Variants in PDE10A observed in about 807,000 individuals in gnomAD.
PDE10A encodes phosphodiesterase 10A, also known as cAMP and cAMP-inhibited cGMP 3',5'-cyclic phosphodiesterase 10A.
PDE10A carries 39 observed loss-of-function variants against 97.7 expected under a neutral mutation model. The ratio of observed to expected loss-of-function variants is 0.40; its 90% CI spans 0.31 to 0.52. The LOEUF (loss-of-function observed/expected upper bound fraction) is 0.52, where lower values mean the gene tolerates loss of function less well. Among genes scored for constraint, PDE10A ranks in the 20% least tolerant of loss-of-function variants. The pLI is 0.56. For synonymous variants in PDE10A, 371 were observed against 376.8 expected (o/e 0.98, Z 0.18); for missense variants, 731 against 1,047.8 (o/e 0.70, Z 4.17).
chr6:165,836,979 C>G (rs998148038), intron 1 of PDE10A, among the ~76,000 whole-genome samples: 5 of 144,768 alleles, frequency 3.5e-5, no homozygotes, highest in African/African-American at 1.3e-4. Context: ...TATTCTCACT[C>G]ACAGGTGGGA....
rs1778298858 is a variant in PDE10A, at chr6:165,779,874, AC to A, written c.-615+207654del. 3.9e-5 allele frequency among the ~76,000 whole-genome samples: 6 copies of A among 152,154 alleles called. No homozygotes were observed. The East Asian group carries it at 1.2e-3, about 29-fold the overall frequency. On this transcript the variant is annotated intron_variant, in intron 1 of 19. Coordinates refer to the PDE10A transcript ENST00000366882. The stretch of plus-strand genomic sequence containing the variant: ...CCTCCTCAGGTTTGCCAGGGAAGCA[AC>A]CTTTGCTGCTCTCCCGCCCAACACT...
chr6:165,708,143 C>T (rs1791766208), intron 1 of PDE10A, among the ~76,000 whole-genome samples: 1 of 152,170 alleles, frequency 6.6e-6, no homozygotes, highest in Non-Finnish European at 1.5e-5. Flanking sequence ...CATTGGAAGC[C>T]CCGGGAGCTG....
intron 1 of PDE10A, among the ~76,000 whole-genome samples, chr6:165,784,432 A>G (rs1406515030): frequency 6.6e-6 from 1 of 152,142 alleles, no homozygotes; most frequent in Non-Finnish European, 1.5e-5. Context: ...GGACCTTAGG[A>G]CAACTGAAGA....
In PDE10A at chr6:165,369,488, G is replaced by A. The variant is rs1562390435; in HGVS notation, c.2783+9706C>T. ...GGAAGAAAGGGTATCAGCAATGGAA[G>A]ATGAAATGAATGAAATGAAGCGAGA... On this transcript the variant is annotated intron_variant, in intron 18 of 21. Coordinates refer to ENST00000539869, the MANE Select transcript of PDE10A (RefSeq NM_001385079.1). 2.8e-5 allele frequency among the ~76,000 whole-genome samples: 4 copies of A among 141,324 alleles called. No individual in the cohort carries two copies. The South Asian group carries it at 8.9e-4, about 31-fold the overall frequency. 92.7% of individuals were successfully genotyped at this position (141,324 alleles called of 152,430 possible).
At chr6:165,783,457 A>C (rs2128462113) in intron 1 of PDE10A, among the ~76,000 whole-genome samples, 1 of 152,366 alleles carries the variant, frequency 6.6e-6, no homozygotes, top group South Asian at 2.1e-4. Flanking sequence ...ATTAAGAAAC[A>C]GAAATGAGTA....
At chr6:165,760,447 C>T (rs1170461311) in intron 1 of PDE10A, among the ~76,000 whole-genome samples, 2 of 152,196 alleles carry the variant, frequency 1.3e-5, no homozygotes, top group East Asian at 1.9e-4. Flanking sequence ...TCTGACCAAG[C>T]TAATACGCTT....
intron 1 of PDE10A, among the ~76,000 whole-genome samples, chr6:165,748,067 C>T (rs1350707501): frequency 6.6e-6 from 1 of 152,140 alleles, no homozygotes; most frequent in African/African-American, 2.4e-5. Context: ...CACGATCCAC[C>T]ACCTTCTAGG....
intron 1 of PDE10A, among the ~76,000 whole-genome samples, chr6:165,811,978 G>A (rs1386390835): frequency 4.6e-5 from 7 of 151,896 alleles, no homozygotes; most frequent in Admixed American, 1.3e-4. Flanking sequence ...CTAGCCTCCC[G>A]AGTAGCTGGG....
At chr6:165,396,815 GATC>G in intron 13 of PDE10A, among the ~76,000 whole-genome samples, 1 of 152,232 alleles carries the variant, frequency 6.6e-6, no homozygotes. Context: ...TACTTTTAAA[GATC>G]ATCGTAAGAT....
At chr6:165,612,746 T>C (rs1014331895) in intron 1 of PDE10A, among the ~76,000 whole-genome samples, 6 of 152,128 alleles carry the variant, frequency 3.9e-5, no homozygotes, top group East Asian at 1.9e-4. Context: ...GCAAAACATA[T>C]CTCTTCCAGC....
chr6:165,812,930 T>C (rs1295335308), intron 1 of PDE10A, among the ~76,000 whole-genome samples: 1 of 152,196 alleles, frequency 6.6e-6, no homozygotes, highest in Non-Finnish European at 1.5e-5. Flanking sequence ...ATCCTGGGCT[T>C]ATTCCAGTAC....
chr6:165,580,375 G>A (rs1159566780), intron 1 of PDE10A, among the ~76,000 whole-genome samples: 2 of 152,118 alleles, frequency 1.3e-5, no homozygotes, highest in African/African-American at 4.8e-5. Flanking sequence ...AGAAGGGCAT[G>A]GGACTACAAA....
chr6:165,592,546 T>G (rs2128386368), intron 1 of PDE10A, among the ~76,000 whole-genome samples: 1 of 152,326 alleles, frequency 6.6e-6, no homozygotes, highest in South Asian at 2.1e-4. Context: ...TTTTGCAATC[T>G]GTCCATCTGA....
intron 1 of PDE10A, among the ~76,000 whole-genome samples, chr6:165,890,711 C>G (rs181872825): frequency 1.1e-4 from 17 of 152,230 alleles, no homozygotes; most frequent in African/African-American, 3.6e-4. Flanking sequence ...AACAGGCTCC[C>G]GGTGAGAGGG....
At chr6:165,751,086 A>T (rs969655223) in intron 1 of PDE10A, among the ~76,000 whole-genome samples, 4 of 152,022 alleles carry the variant, frequency 2.6e-5, no homozygotes, top group Non-Finnish European at 5.9e-5. Context: ...AGAAGAAGGG[A>T]GCCATGGCCT....
chr6:165,577,807 G>A (rs967463228), intron 1 of PDE10A, among the ~76,000 whole-genome samples: 12 of 152,302 alleles, frequency 7.9e-5, no homozygotes, highest in East Asian at 7.7e-4. Flanking sequence ...AACGCCATCC[G>A]CCCGCTTCCG....
chr6:165,401,086 A>G (rs766895777), intron 13 of PDE10A, among the ~76,000 whole-genome samples: 1 of 152,200 alleles, frequency 6.6e-6, no homozygotes, highest in Non-Finnish European at 1.5e-5. Context: ...TATATTTATT[A>G]TACTGATTAT....
chr6:165,647,751 T>C (rs1031377047), intron 1 of PDE10A, among the ~76,000 whole-genome samples: 1 of 152,204 alleles, frequency 6.6e-6, no homozygotes, highest in African/African-American at 2.4e-5. Flanking sequence ...TGAAGCCCCT[T>C]TGGACGTCAC....
At chr6:165,682,421 G>A (rs199563473) in intron 1 of PDE10A, among the ~76,000 whole-genome samples, 177 of 152,228 alleles carry the variant, frequency 1.2e-3, no homozygotes, top group African/African-American at 4.0e-3. Context: ...GGTGTGAGCC[G>A]TTGTGCCCAG....
Sources: allele counts gnomAD v4.1 joint callset (sites outside exome capture counted in the v4.1 genomes callset), GRCh38; gene constraint gnomAD v4.1.1; transcripts MANE v1.5; gene names NCBI Gene and HGNC (gene_info 2026-07-23, HGNC 2026-07-21).